Variants in WWOX observed in about 807,000 individuals in gnomAD.
WWOX encodes WW domain containing oxidoreductase, also known as WW domain-containing oxidoreductase.
WWOX carries 69 observed loss-of-function variants against 46.2 expected under a neutral mutation model. The observed-to-expected ratio is 1.49, with a 90% CI of 1.23 to 1.82. WWOX has a LOEUF of 1.82. Ranked by LOEUF, WWOX falls within the 40% of genes most tolerant of loss-of-function variation. The probability of loss-of-function intolerance (pLI) is 0.00; values close to 1 mark genes in which losing one functional copy is unlikely to be tolerated. For missense variants in WWOX, 919 were observed against 542.6 expected (o/e 1.69, Z -6.89); for synonymous variants, 359 against 202.6 (o/e 1.77, Z -6.56).
chr16:79,051,269 A>G (rs2150528987), intron 8 of WWOX, among the ~76,000 whole-genome samples: 1 of 152,220 alleles, frequency 6.6e-6, no homozygotes, highest in African/African-American at 2.4e-5. Flanking sequence ...CTCACCAATA[A>G]TTTTTGCATC....
chr16:78,494,514 C>T (rs569914847), intron 8 of WWOX, among the ~76,000 whole-genome samples: 9 of 152,220 alleles, frequency 5.9e-5, no homozygotes, highest in East Asian at 1.9e-4. Context: ...GAAATAAAAA[C>T]GGCAACAAAT....
intron 8 of WWOX, among the ~76,000 whole-genome samples, chr16:79,083,901 C>T (rs901059079): frequency 6.6e-6 from 1 of 152,202 alleles, no homozygotes. Context: ...ATTTCTTCAT[C>T]TTCCTGCGGT....
intron 8 of WWOX, among the ~76,000 whole-genome samples, chr16:78,839,670 G>T (rs1183883354): frequency 1.3e-5 from 2 of 152,142 alleles, no homozygotes; most frequent in East Asian, 1.9e-4. Context: ...GGAGGGGGTA[G>T]AATAAGGTTA....
chr16:79,167,796 G>C lies in WWOX; in HGVS notation c.1057-43812G>C, dbSNP rs79609322. 5.3e-5 allele frequency among the ~76,000 whole-genome samples: 8 copies of C among 152,282 alleles called. No individual in the cohort carries two copies. In the South Asian group the frequency reaches 1.7e-3, roughly 32 times the overall value. Reference sequence around the variant, plus strand: ...TAACCATTTTAAAGTGTACACTTCAGTGGCATTTAGTGAACTCAGTGTTAT... The same window carrying C: ...TAACCATTTTAAAGTGTACACTTCACTGGCATTTAGTGAACTCAGTGTTAT... On this transcript the variant is annotated intron_variant, in intron 8 of 8. Coordinates refer to ENST00000566780, the MANE Select transcript of WWOX (RefSeq NM_016373.4).
intron 5 of WWOX, among the ~76,000 whole-genome samples, chr16:78,288,228 G>T (rs1427373611): frequency 6.7e-6 from 1 of 149,044 alleles, no homozygotes; most frequent in African/African-American, 2.5e-5. Context: ...TATATGATCA[G>T]TTGGCAGGAG....
At chr16:78,801,450 A>G (rs1382378758) in intron 8 of WWOX, among the ~76,000 whole-genome samples, 1 of 152,192 alleles carries the variant, frequency 6.6e-6, no homozygotes, top group East Asian at 1.9e-4. Context: ...TAGAGGTTGC[A>G]GTAAGCTGAT....
chr16:79,024,786 G>A (rs986370275), intron 8 of WWOX, among the ~76,000 whole-genome samples: 5 of 152,098 alleles, frequency 3.3e-5, no homozygotes, highest in Non-Finnish European at 7.4e-5. Context: ...TTTCCAAGCT[G>A]ATCTCAAAAT....
chr16:78,350,043 T>C lies in WWOX; in HGVS notation c.517-36817T>C, dbSNP rs568800270. ...GTATTATTCTCTAGTAGCCTGCTTT[T>C]TATTGAACTTAATGATAAATGGCAA... is the stretch of plus-strand genomic sequence containing the variant. On this transcript the variant is annotated intron_variant, in intron 5 of 8. Transcript: ENST00000566780. 1.6e-5 allele frequency among the ~76,000 whole-genome samples: 2 copies of C among 121,426 alleles called. 1 individual carries two copies. The highest frequency in any genetic ancestry group is 3.9e-5 in the Non-Finnish European group (2 of 50,770). 79.7% of individuals were successfully genotyped at this position (121,426 alleles called of 152,430 possible).
intron 5 of WWOX, among the ~76,000 whole-genome samples, chr16:78,233,305 A>C (rs1179551200): frequency 8.0e-6 from 1 of 124,778 alleles, no homozygotes; most frequent in East Asian, 2.9e-4. Context: ...ACATTAAACA[A>C]ATATTTTATT....
chr16:78,648,033 C>G (rs1477467427), intron 8 of WWOX, among the ~76,000 whole-genome samples: 1 of 152,222 alleles, frequency 6.6e-6, no homozygotes, highest in Non-Finnish European at 1.5e-5. Flanking sequence ...CCCTCCCTAT[C>G]TGTACCCCAC....
At chr16:78,102,228 C>G (rs1482170050) in intron 1 of WWOX, among the ~76,000 whole-genome samples, 1 of 152,090 alleles carries the variant, frequency 6.6e-6, no homozygotes, top group Admixed American at 6.5e-5. Flanking sequence ...GTGTTTTGAG[C>G]TCAAGTAGAG....
intron 8 of WWOX, among the ~76,000 whole-genome samples, chr16:78,686,835 G>A (rs1303180678): frequency 1.3e-5 from 2 of 152,148 alleles, no homozygotes; most frequent in African/African-American, 4.8e-5. Flanking sequence ...GACAGGCTTC[G>A]TTTTCGAAAC....
rs149707091 is a variant in WWOX at position 78,670,941 on chromosome 16, G to A, written c.1056+238189G>A. Among the ~76,000 whole-genome samples, 649 of 152,128 alleles carry A rather than the reference G, an allele frequency of 4.3e-3. 2 individuals are homozygous for A. The highest frequency in any genetic ancestry group is 6.0e-3 in the Non-Finnish European group (405 of 68,000). ...AGACAGAACAGAGACACCGAGAGAG[G>A]AAGGTGATGCCAAGACAGAAGTAAA... is the stretch of plus-strand genomic sequence containing the variant. On this transcript the variant is annotated intron_variant, in intron 8 of 8. Coordinates refer to ENST00000566780, the MANE Select transcript of WWOX (RefSeq NM_016373.4).
At chr16:78,782,229 C>T (rs549247274) in intron 8 of WWOX, among the ~76,000 whole-genome samples, 4 of 152,300 alleles carry the variant, frequency 2.6e-5, no homozygotes, top group African/African-American at 9.6e-5. Context: ...CCCCACTGGA[C>T]TTCTCTGCTC....
chr16:78,664,542 A>C (rs1273153341), intron 8 of WWOX, among the ~76,000 whole-genome samples: 1 of 152,206 alleles, frequency 6.6e-6, no homozygotes, highest in Non-Finnish European at 1.5e-5. Flanking sequence ...CTTGTAAATA[A>C]AGTCTCCCAC....
intron 8 of WWOX, among the ~76,000 whole-genome samples, chr16:78,638,464 G>A (rs938170256): frequency 6.6e-6 from 1 of 151,842 alleles, no homozygotes; most frequent in Non-Finnish European, 1.5e-5. Flanking sequence ...CATCTGAAAG[G>A]CCCAGACCCA....
intron 8 of WWOX, among the ~76,000 whole-genome samples, chr16:78,566,524 C>G (rs747845305): frequency 6.6e-6 from 1 of 152,126 alleles, no homozygotes; most frequent in Non-Finnish European, 1.5e-5. Context: ...CCATGTGAGG[C>G]ACAGGATGGT....
At chr16:78,986,893 C>A (rs906012783) in intron 8 of WWOX, among the ~76,000 whole-genome samples, 12 of 152,210 alleles carry the variant, frequency 7.9e-5, no homozygotes, top group Middle Eastern at 3.4e-3. Flanking sequence ...GCAAGAGACT[C>A]CTTTTGACTG....
chr16:78,944,227 C>G (rs888450450), intron 8 of WWOX, among the ~76,000 whole-genome samples: 1 of 152,080 alleles, frequency 6.6e-6, no homozygotes, highest in African/African-American at 2.4e-5. Context: ...CCCTCCCTTT[C>G]CAGATAAAAG....
Sources: gnomAD v4.1 joint callset for allele counts (sites outside exome capture counted in the v4.1 genomes callset) on GRCh38, gnomAD v4.1.1 for gene constraint, MANE v1.5 for transcripts, NCBI Gene and HGNC (gene_info 2026-07-23, HGNC 2026-07-21) for gene names.